The following UNC5C variants were observed in gnomAD, a reference collection of about 807,000 sequenced individuals.
UNC5C encodes the protein netrin receptor UNC5C.
Under a neutral mutation model 99.8 loss-of-function variants are expected in UNC5C, and 47 were observed. That is an observed-to-expected ratio of 0.47 (90% confidence interval 0.37 to 0.60). The LOEUF (loss-of-function observed/expected upper bound fraction) is 0.60. Among genes scored for constraint, UNC5C ranks in the 20% least tolerant of loss-of-function variants. The pLI, the probability that UNC5C is intolerant of heterozygous loss-of-function variation, is 0.00. For missense variants in UNC5C, 1,062 were observed against 1,165.9 expected (o/e 0.91, Z 1.30); for synonymous variants, 487 against 452.2 (o/e 1.08, Z -0.98).
chr4:95,203,695 C>A (rs1463016235), intron 11 of UNC5C, among the ~76,000 whole-genome samples: 1 of 152,156 alleles, frequency 6.6e-6, no homozygotes, highest in Non-Finnish European at 1.5e-5. Flanking sequence ...AACTCCTGAG[C>A]TGAAGCGACC....
At chr4:95,480,603 CT>C (rs1231326507) in intron 1 of UNC5C, among the ~76,000 whole-genome samples, 1 of 152,044 alleles carries the variant, frequency 6.6e-6, no homozygotes, top group East Asian at 2.0e-4. Context: ...ACAGAAGCAG[CT>C]CTCACAAGTT....
intron 12 of UNC5C, among the ~76,000 whole-genome samples, chr4:95,190,609 C>T (rs1008432251): frequency 1.7e-4 from 26 of 152,282 alleles, no homozygotes; most frequent in African/African-American, 5.3e-4. Flanking sequence ...TGAGCCACTG[C>T]GCCCAGCCCC....
chr4:95,175,241 A>T (rs1736287645), intron 14 of UNC5C, among the ~76,000 whole-genome samples: 3 of 151,760 alleles, frequency 2.0e-5, no homozygotes, highest in African/African-American at 7.3e-5. Flanking sequence ...TAGTCCATTT[A>T]CATTTAAAGT....
intron 12 of UNC5C, among the ~76,000 whole-genome samples, chr4:95,201,851 G>A (rs962469921): frequency 4.3e-4 from 66 of 152,130 alleles, no homozygotes; most frequent in Middle Eastern, 3.4e-3. Flanking sequence ...TGATCCACCC[G>A]CCTTAGCCTC....
chr4:95,458,776 T>C (rs916226210), intron 1 of UNC5C, among the ~76,000 whole-genome samples: 2 of 152,086 alleles, frequency 1.3e-5, no homozygotes, highest in African/African-American at 4.8e-5. Context: ...CCTACTCTTT[T>C]AATCCCCATA....
chr4:95,241,155 A>C (rs1739318294), intron 7 of UNC5C, among the ~76,000 whole-genome samples: 1 of 152,232 alleles, frequency 6.6e-6, no homozygotes, highest in African/African-American at 2.4e-5. Context: ...TCCTCAACCC[A>C]AACAAACTCT....
chr4:95,451,153 GT>G (rs1329700185), intron 1 of UNC5C, among the ~76,000 whole-genome samples: 5 of 152,134 alleles, frequency 3.3e-5, no homozygotes, highest in Non-Finnish European at 5.9e-5. Flanking sequence ...AAATCTCAAC[GT>G]GGAAGTCTTG....
intron 1 of UNC5C, among the ~76,000 whole-genome samples, chr4:95,435,317 T>TGTTTGTTA (rs1451799091): frequency 4.6e-5 from 4 of 87,492 alleles, no homozygotes; most frequent in Admixed American, 2.0e-4. Context: ...CATTTAATTA[T>TGTTTGTTA]GTTTATGTTA....
At chr4:95,511,899 T>C (rs1455153208) in intron 1 of UNC5C, among the ~76,000 whole-genome samples, 1 of 152,172 alleles carries the variant, frequency 6.6e-6, no homozygotes, top group Non-Finnish European at 1.5e-5. Flanking sequence ...TTCTGGGTAT[T>C]GTCTGGAAGA....
At chr4:95,467,343 G>A (rs950415638) in intron 1 of UNC5C, among the ~76,000 whole-genome samples, 1 of 152,122 alleles carries the variant, frequency 6.6e-6, no homozygotes, top group African/African-American at 2.4e-5. Context: ...TAGAACAACA[G>A]GAAATGCAAT....
intron 3 of UNC5C, among the ~76,000 whole-genome samples, chr4:95,281,542 A>G (rs567041400): frequency 6.6e-6 from 1 of 152,308 alleles, no homozygotes; most frequent in African/African-American, 2.4e-5. Context: ...TGGGGTCCTG[A>G]ACTCAGCTAG....
chr4:95,277,239 C>T (rs1038935640), intron 4 of UNC5C, among the ~76,000 whole-genome samples: 3 of 152,074 alleles, frequency 2.0e-5, no homozygotes, highest in Non-Finnish European at 4.4e-5. Flanking sequence ...TATATAGGTC[C>T]CAATTGCAAC....
intron 1 of UNC5C, among the ~76,000 whole-genome samples, chr4:95,444,478 C>T (rs1350680982): frequency 2.0e-5 from 3 of 152,134 alleles, no homozygotes; most frequent in Non-Finnish European, 2.9e-5. Context: ...ACTACAGGGG[C>T]CTGCCACCTT....
chr4:95,288,512 T>C (rs960905577), intron 3 of UNC5C, among the ~76,000 whole-genome samples: 2 of 152,226 alleles, frequency 1.3e-5, no homozygotes, highest in Non-Finnish European at 2.9e-5. Context: ...GCTGTATTTG[T>C]TTCCAGTGGA....
chr4:95,169,306 C>T lies in UNC5C; in HGVS notation c.2724G>A (p.Met908Ile). The T allele has an allele frequency of 6.2e-7, 1 of 1,614,220 alleles. No homozygotes were observed. Among genetic ancestry groups the T allele is most frequent in the African/African-American group, 1.3e-5 (1 of 75,050 alleles). Residue 908 changes from methionine to isoleucine, a missense_variant, in exon 16 of 16, where the codon ATG becomes ATA. Met to Ile is a conservative substitution (Grantham distance 10). Transcript: ENST00000453304. ...CCATTTCTTCCAAGACAGCTGCCAG[C>T]ATGCTCAGGTTTCCATCTGGGAAGT... ...AQNFPDGNLS[M>I]LAAVLEEMGR...
chr4:95,375,534 C>A (rs1744869273), intron 1 of UNC5C, among the ~76,000 whole-genome samples: 1 of 152,138 alleles, frequency 6.6e-6, no homozygotes, highest in Non-Finnish European at 1.5e-5. Flanking sequence ...TGAAAACCCA[C>A]AAAAGCATCA....
intron 3 of UNC5C, among the ~76,000 whole-genome samples, chr4:95,291,489 T>C (rs1284732078): frequency 2.0e-5 from 3 of 152,206 alleles, no homozygotes; most frequent in Admixed American, 2.0e-4. Flanking sequence ...GCCTATAACA[T>C]ACGTATAGAT....
At chr4:95,176,829 C>T (rs1274471103) in intron 14 of UNC5C, among the ~76,000 whole-genome samples, 4 of 152,228 alleles carry the variant, frequency 2.6e-5, no homozygotes, top group Admixed American at 2.0e-4. Context: ...TGGCGGGGGC[C>T]CCTCCCCCAG....
intron 1 of UNC5C, among the ~76,000 whole-genome samples, chr4:95,349,370 C>A (rs1257453143): frequency 4.9e-5 from 6 of 121,536 alleles, no homozygotes; most frequent in Non-Finnish European, 1.8e-5. Flanking sequence ...GCTGTATCTC[C>A]CTCATACACA....
Sources: allele counts gnomAD v4.1 joint callset (sites outside exome capture counted in the v4.1 genomes callset), GRCh38; gene constraint gnomAD v4.1.1; transcripts MANE v1.5; gene names NCBI Gene and HGNC (gene_info 2026-07-23, HGNC 2026-07-21).